Variants in PAMR1 observed in about 807,000 individuals in gnomAD.
PAMR1 encodes the protein inactive serine protease PAMR1.
Under a neutral mutation model 81.8 loss-of-function variants are expected in PAMR1, and 88 were observed. The observed-to-expected ratio is 1.08, with a 90% CI of 0.91 to 1.28. The LOEUF (loss-of-function observed/expected upper bound fraction) is 1.28. PAMR1 is among the 50% of genes most tolerant of loss of function. The pLI is 0.00. For missense variants in PAMR1, 935 were observed against 919.7 expected, an observed-to-expected ratio of 1.02 and a Z score of -0.21; for synonymous variants, 336 against 345.3, an observed-to-expected ratio of 0.97 and a Z score of 0.30.
Position 35,432,910 on chromosome 11 carries a change from G to T in PAMR1, c.1627-18C>A. On this transcript the variant is annotated intron_variant, in intron 10 of 10. Transcript: ENST00000619888. ...GCAGAAATCTACAAATGCAAGGAAT[G>T]GGCAGCAATGGTGAGGAGCCAGCTC... The T allele has an allele frequency of 6.5e-7, 1 of 1,546,928 alleles. No individual in the cohort carries two copies. Among genetic ancestry groups the T allele is most frequent in the South Asian group, 1.2e-5 (1 of 82,086 alleles).
At chr11:35,461,367 T>C (rs1856650966) in intron 6 of PAMR1, among the ~76,000 whole-genome samples, 1 of 152,180 alleles carries the variant, frequency 6.6e-6, no homozygotes, top group Admixed American at 6.5e-5. Flanking sequence ...TTCACTTTGG[T>C]ATTTGGCTCT....
intron 1 of PAMR1, among the ~76,000 whole-genome samples, chr11:35,508,534 T>C (rs1243045137): frequency 6.7e-6 from 1 of 150,350 alleles, no homozygotes; most frequent in Non-Finnish European, 1.5e-5. Flanking sequence ...TTTTTTTTTT[T>C]TTTTTTTACT....
chr11:35,482,399 C>A (rs182094655), intron 3 of PAMR1, among the ~76,000 whole-genome samples: 1 of 152,146 alleles, frequency 6.6e-6, no homozygotes, highest in Non-Finnish European at 1.5e-5. Flanking sequence ...GTCTGTATGT[C>A]TGTTTTGGCA....
At chr11:35,523,083 C>T (rs996104099) in intron 1 of PAMR1, among the ~76,000 whole-genome samples, 5 of 152,208 alleles carry the variant, frequency 3.3e-5, no homozygotes, top group Non-Finnish European at 7.3e-5. Context: ...GGAACACCCT[C>T]TTCATGATCC....
intron 1 of PAMR1, among the ~76,000 whole-genome samples, chr11:35,507,945 G>A (rs1415346631): frequency 6.6e-6 from 1 of 152,104 alleles, no homozygotes; most frequent in East Asian, 1.9e-4. Flanking sequence ...CAATAGTTTT[G>A]AAAGGCTGGC....
rs75327903 is a variant in PAMR1, at chr11:35,522,522, T to A, written c.73+2991A>T. On this transcript the variant is annotated intron_variant, in intron 1 of 10. Coordinates refer to ENST00000619888, the MANE Select transcript of PAMR1 (RefSeq NM_001001991.3). ...AGGTTCATCTGTGTTATAGCACGTATCAGAATATCCTTTATTTTTAAGGCT... is the reference window on the plus strand; with the variant it reads ...AGGTTCATCTGTGTTATAGCACGTAACAGAATATCCTTTATTTTTAAGGCT... Among the ~76,000 whole-genome samples, 1,307 of 152,336 alleles carry A rather than the reference T, an allele frequency of 8.6e-3. 10 individuals carry two copies. Among genetic ancestry groups the A allele is most frequent in the Non-Finnish European group, 0.014 (960 of 68,028 alleles).
chr11:35,435,392 G>C (rs1484553224), intron 9 of PAMR1, among the ~76,000 whole-genome samples: 1 of 151,992 alleles, frequency 6.6e-6, no homozygotes, highest in Non-Finnish European at 1.5e-5. Flanking sequence ...ATTTTCAGTA[G>C]AGATGGGGTT....
intron 6 of PAMR1, among the ~76,000 whole-genome samples, chr11:35,464,501 G>A (rs541593259): frequency 6.6e-6 from 1 of 152,226 alleles, no homozygotes; most frequent in Non-Finnish European, 1.5e-5. Context: ...AGCATCACTG[G>A]CCTCTACCCA....
intron 1 of PAMR1, 140 bp from the exon 2 acceptor site, chr11:35,494,412 T>G: frequency 1.5e-6 from 1 of 667,136 alleles, no homozygotes; most frequent in East Asian, 2.8e-5. Flanking sequence ...CGGCTCACTG[T>G]AAGCTCTGCC....
At chr11:35,461,012 G>A (rs1856642976) in intron 6 of PAMR1, among the ~76,000 whole-genome samples, 1 of 152,160 alleles carries the variant, frequency 6.6e-6, no homozygotes, top group Non-Finnish European at 1.5e-5. Context: ...ATTCTAACTG[G>A]TGTGAGATGG....
At chr11:35,521,166 T>C (rs1851268626) in intron 1 of PAMR1, among the ~76,000 whole-genome samples, 3 of 152,182 alleles carry the variant, frequency 2.0e-5, no homozygotes, top group South Asian at 4.1e-4. Context: ...TTCATGAAAG[T>C]AAAACATTTT....
intron 7 of PAMR1, among the ~76,000 whole-genome samples, chr11:35,440,318 T>G (rs953452569): frequency 1.3e-5 from 2 of 152,184 alleles, no homozygotes; most frequent in African/African-American, 4.8e-5. Context: ...TTGTATTAAT[T>G]TGTAAGAGAA....
At chr11:35,479,041 A>G (rs538166208) in intron 3 of PAMR1, among the ~76,000 whole-genome samples, 4 of 152,194 alleles carry the variant, frequency 2.6e-5, no homozygotes, top group Non-Finnish European at 5.9e-5. Flanking sequence ...AGACAGCTGG[A>G]AAAGGCTCTC....
chr11:35,451,855 A>G, intron 6 of PAMR1: 1 of 700,430 alleles, frequency 1.4e-6, no homozygotes, highest in East Asian at 2.8e-5. Flanking sequence ...ATGAGGATAC[A>G]GCAAGAAGTC....
chr11:35,438,008 G>A (rs987975446), intron 8 of PAMR1, among the ~76,000 whole-genome samples: 1 of 152,226 alleles, frequency 6.6e-6, no homozygotes, highest in African/African-American at 2.4e-5. Flanking sequence ...GAACTTAGCT[G>A]TAGTCAATTT....
chr11:35,506,963 A>T (rs1850971457), intron 1 of PAMR1, among the ~76,000 whole-genome samples: 1 of 138,542 alleles, frequency 7.2e-6, no homozygotes, highest in South Asian at 2.3e-4. Context: ...TATTCTTTTG[A>T]GGTAATTTTC....
chr11:35,525,642 A>G, upstream of PAMR1: 1 of 1,523,234 alleles, frequency 6.6e-7, no homozygotes, highest in Non-Finnish European at 9.1e-7. Flanking sequence ...GGACCCAGGG[A>G]GGCCGGGGGC....
chr11:35,435,836 A>T, intron 9 of PAMR1, 67 bp downstream of exon 9: 1 of 1,187,016 alleles, frequency 8.4e-7, no homozygotes, highest in Non-Finnish European at 1.3e-6. Context: ...AAGTAGGGTT[A>T]ATGGTTTTTC....
chr11:35,433,640 G>A (rs960862021), intron 10 of PAMR1, among the ~76,000 whole-genome samples: 5 of 152,202 alleles, frequency 3.3e-5, no homozygotes, highest in Non-Finnish European at 1.5e-5. Flanking sequence ...AATAAAACGT[G>A]CTCTATTCTT....
Sources: gnomAD v4.1 joint callset for allele counts (sites outside exome capture counted in the v4.1 genomes callset) on GRCh38, gnomAD v4.1.1 for gene constraint, MANE v1.5 for transcripts, NCBI Gene and HGNC (gene_info 2026-07-23, HGNC 2026-07-21) for gene names.